The following UNC5B variants were observed in gnomAD, a reference collection of about 807,000 sequenced individuals.
UNC5B encodes the protein netrin receptor UNC5B.
UNC5B carries 56 observed loss-of-function variants against 103.7 expected under a neutral mutation model. The observed-to-expected ratio is 0.54, with a 90% CI of 0.44 to 0.67. UNC5B has a LOEUF of 0.67. UNC5B is among the 30% of genes least tolerant of loss of function. UNC5B has a pLI of 0.00. For synonymous variants in UNC5B, 577 were observed against 542.0 expected (o/e 1.06, Z -0.90); for missense variants, 1,194 against 1,284.5 (o/e 0.93, Z 1.08).
At chr10:71,274,892 T>G (rs1249493305) in intron 1 of UNC5B, among the ~76,000 whole-genome samples, 1 of 152,226 alleles carries the variant, frequency 6.6e-6, no homozygotes, top group Non-Finnish European at 1.5e-5. Context: ...GAAAAAAATT[T>G]ACTCAACAGG....
chr10:71,299,067 G>A (rs376237332), intron 16 of UNC5B, 45 bp from the exon 17 acceptor site: 13 of 1,608,636 alleles, frequency 8.1e-6, no homozygotes, highest in Non-Finnish European at 1.1e-5. Context: ...CTCCGGGGAG[G>A]GGCTAAGTGC....
chr10:71,240,560 T>C (rs1239248986), intron 1 of UNC5B, among the ~76,000 whole-genome samples: 1 of 152,180 alleles, frequency 6.6e-6, no homozygotes, highest in Admixed American at 6.5e-5. Context: ...GTCTTCAGAC[T>C]CCAGCCTCCC....
chr10:71,220,490 T>C (rs780260790), intron 1 of UNC5B, among the ~76,000 whole-genome samples: 38 of 152,260 alleles, frequency 2.5e-4, no homozygotes, highest in Middle Eastern at 3.4e-3. Context: ...GGGCCTTAGC[T>C]GCGGGTGCAG....
intron 1 of UNC5B, among the ~76,000 whole-genome samples, chr10:71,226,222 C>G (rs564821552): frequency 2.2e-4 from 34 of 152,142 alleles, no homozygotes; most frequent in Non-Finnish European, 4.4e-4. Context: ...TTACAGGCGC[C>G]CGCCACCACA....
chr10:71,253,288 G>T (rs146320310), intron 1 of UNC5B, among the ~76,000 whole-genome samples: 5 of 152,342 alleles, frequency 3.3e-5, no homozygotes, highest in Non-Finnish European at 5.9e-5. Context: ...CCGTAGCTTG[G>T]TCTTAGTGAT....
At chr10:71,223,062 A>G (rs895419901) in intron 1 of UNC5B, among the ~76,000 whole-genome samples, 2 of 152,088 alleles carry the variant, frequency 1.3e-5, no homozygotes, top group Non-Finnish European at 2.9e-5. Flanking sequence ...AGTCTGTCGG[A>G]TGGGGCAGCC....
Position 71,287,754 on chromosome 10 carries a change from C to T in UNC5B, c.890C>T (p.Thr297Ile). 6.2e-7 allele frequency: 1 copy of T among 1,612,720 alleles called. No individual in the cohort carries two copies. Among genetic ancestry groups the T allele is most frequent in the Non-Finnish European group, 8.5e-7 (1 of 1,179,264 alleles). The part of the protein sequence containing the change: ...GQAFQKTACT[T>I]ICPVDGAWTE... ...GCATTCCAGAAGACCGCCTGCACCA[C>T]CATCTGCCCAGGTAAGGAGCCTTGT... is the stretch of plus-strand genomic sequence containing the variant. Residue 297 changes from threonine to isoleucine, a missense_variant, in exon 6 of 17, where the codon ACC becomes ATC. Thr to Ile is a moderately conservative substitution (Grantham distance 89). Transcript: ENST00000335350.
At chr10:71,224,197 T>C (rs1438486214) in intron 1 of UNC5B, among the ~76,000 whole-genome samples, 1 of 151,116 alleles carries the variant, frequency 6.6e-6, no homozygotes, top group Admixed American at 6.6e-5. Context: ...GCCCCACATT[T>C]TCCTCCTGGT....
At chr10:71,285,285 G>T (rs780862817) in intron 3 of UNC5B, 41 bp from the exon 4 acceptor site, 13 of 1,559,858 alleles carry the variant, frequency 8.3e-6, no homozygotes, top group Non-Finnish European at 1.1e-5. Flanking sequence ...TTCTGATCCT[G>T]CCCGCACCTG....
In UNC5B at chr10:71,244,347, G is replaced by A. The variant is rs566753614; in HGVS notation, c.79+31283G>A. ...CCCAGGGCCACTCAGGCATTATGAC[G>A]ACACCCTAAACTTGGGTGTTAAGGT... On this transcript the variant is annotated intron_variant, in intron 1 of 16. Transcript: ENST00000335350. 1.8e-4 allele frequency among the ~76,000 whole-genome samples: 28 copies of A among 152,352 alleles called. No homozygotes were observed. In the South Asian group the frequency reaches 5.2e-3, roughly 28 times the overall value.
Position 71,296,596 on chromosome 10 carries a change from A to C in UNC5B, c.2344A>C (p.Ile782Leu). The change falls in exon 15 of 17, where the codon ATT (isoleucine) becomes CTT (leucine). Residue 782 changes from isoleucine (I) to leucine (L), a missense_variant. Transcript: ENST00000335350. The part of the protein sequence containing the change: ...AKYQEIPFYH[I>L]WSGSQKALHC... ...CCTGCAGGAGATCCCCTTCTATCAC[A>C]TTTGGAGTGGCAGCCAGAAGGCCCT... 1.2e-6 allele frequency: 2 copies of C among 1,613,676 alleles called. No individual in the cohort carries two copies. The highest frequency in any genetic ancestry group is 1.7e-6 in the Non-Finnish European group (2 of 1,179,938).
chr10:71,242,101 C>T (rs1843915299), intron 1 of UNC5B, among the ~76,000 whole-genome samples: 1 of 152,154 alleles, frequency 6.6e-6, no homozygotes, highest in Non-Finnish European at 1.5e-5. Flanking sequence ...CAACCCCAGC[C>T]CCCTGGAGTG....
intron 10 of UNC5B, 55 bp downstream of exon 10, chr10:71,291,876 C>T (rs775460004): frequency 2.6e-6 from 4 of 1,537,940 alleles, no homozygotes; most frequent in Non-Finnish European, 3.5e-6. Context: ...CCTCTGTGGA[C>T]TGCCCCAACA....
intron 1 of UNC5B, among the ~76,000 whole-genome samples, chr10:71,279,510 A>G (rs1844860129): frequency 6.6e-6 from 1 of 152,178 alleles, no homozygotes; most frequent in African/African-American, 2.4e-5. Context: ...CCTCACCCAG[A>G]CAGATCGCCT....
chr10:71,285,641 C>G (rs538866585), intron 4 of UNC5B, among the ~76,000 whole-genome samples: 1 of 119,024 alleles, frequency 8.4e-6, no homozygotes, highest in South Asian at 2.5e-4. Flanking sequence ...ACAGGCATAA[C>G]CCCACGGGAT....
intron 3 of UNC5B, among the ~76,000 whole-genome samples, 199 bp downstream of exon 3, chr10:71,285,062 C>G (rs569230165): frequency 1.3e-5 from 2 of 152,332 alleles, no homozygotes; most frequent in African/African-American, 4.8e-5. Flanking sequence ...TCATCTACTT[C>G]TGTATAAAAG....
intron 1 of UNC5B, among the ~76,000 whole-genome samples, chr10:71,267,954 A>G (rs1049208253): frequency 2.8e-4 from 42 of 152,304 alleles, no homozygotes; most frequent in Non-Finnish European, 4.7e-4. Context: ...ATCTGAGGCA[A>G]GTTACTACTC....
At chr10:71,234,335 G>C (rs1037160165) in intron 1 of UNC5B, among the ~76,000 whole-genome samples, 5 of 152,176 alleles carry the variant, frequency 3.3e-5, no homozygotes, top group Admixed American at 6.5e-5. Context: ...TTCAGGCCTG[G>C]CCCAGAGAAG....
intron 1 of UNC5B, among the ~76,000 whole-genome samples, chr10:71,259,636 G>A (rs1021078319): frequency 6.6e-6 from 1 of 152,194 alleles, no homozygotes; most frequent in African/African-American, 2.4e-5. Context: ...CAGGCCCTGT[G>A]CTTGATACAT....
Sources: gnomAD v4.1 joint callset for allele counts (sites outside exome capture counted in the v4.1 genomes callset) on GRCh38, gnomAD v4.1.1 for gene constraint, MANE v1.5 for transcripts, NCBI Gene and HGNC (gene_info 2026-07-23, HGNC 2026-07-21) for gene names.